MEF2C: variants seen among roughly 807,000 people sequenced by gnomAD.
MEF2C encodes myocyte-specific enhancer factor 2C.
A neutral mutation model predicts 50.5 loss-of-function variants in MEF2C; 6 were observed. The ratio of observed to expected loss-of-function variants is 0.12; its 90% CI spans 0.07 to 0.23. The LOEUF (loss-of-function observed/expected upper bound fraction) is 0.23. Ranked by LOEUF, MEF2C falls within the 10% of genes least tolerant of loss-of-function variation. The pLI is 1.00. For synonymous variants in MEF2C, 183 were observed against 228.0 expected (o/e 0.80, Z 1.78); for missense variants, 276 against 605.0 (o/e 0.46, Z 5.70).
intron 1 of MEF2C, among the ~76,000 whole-genome samples, chr5:88,903,598 G>C (rs1835884507): frequency 6.6e-6 from 1 of 151,924 alleles, no homozygotes; most frequent in South Asian, 2.1e-4. Context: ...TAGATAAAAA[G>C]GAGACTAAAA....
chr5:88,764,462 G>C (rs1439213689), intron 3 of MEF2C, among the ~76,000 whole-genome samples: 3 of 152,092 alleles, frequency 2.0e-5, no homozygotes, highest in Non-Finnish European at 4.4e-5. Context: ...GTGCAGACTA[G>C]ATCTCTCTCA....
intron 10 of MEF2C, among the ~76,000 whole-genome samples, chr5:88,727,598 A>G (rs1759454279): frequency 6.6e-6 from 1 of 152,180 alleles, no homozygotes; most frequent in African/African-American, 2.4e-5. Flanking sequence ...AACGATAACA[A>G]ATGGCTAAGC....
intron 3 of MEF2C, among the ~76,000 whole-genome samples, chr5:88,796,497 T>C (rs1258276248): frequency 6.6e-6 from 1 of 152,198 alleles, no homozygotes; most frequent in Non-Finnish European, 1.5e-5. Context: ...TTCTTTATCA[T>C]TTTTTACTGC....
intron 1 of MEF2C, among the ~76,000 whole-genome samples, chr5:88,854,284 G>A (rs1360646362): frequency 1.3e-5 from 2 of 152,154 alleles, no homozygotes; most frequent in Non-Finnish European, 2.9e-5. Flanking sequence ...AGGTAGTATA[G>A]CAGATGTGGT....
rs527435036 is a variant in MEF2C, at chr5:88,767,840, C to A, written c.259-6512G>T. Among the ~76,000 whole-genome samples the A allele has an allele frequency of 2.3e-3, 347 of 152,280 alleles. 4 individuals are homozygous for A. The highest frequency in any genetic ancestry group is 8.0e-3 in the African/African-American group (334 of 41,566). Reference sequence around the variant, plus strand: ...ACATCCACCAACTCTGTCTTAAGGGCCACAAATTATTTGACATAAACATTC... The same window carrying A: ...ACATCCACCAACTCTGTCTTAAGGGACACAAATTATTTGACATAAACATTC... On this transcript the variant is annotated intron_variant, in intron 3 of 10. Coordinates refer to ENST00000504921, the MANE Select transcript of MEF2C (RefSeq NM_002397.5).
intron 6 of MEF2C, chr5:88,741,986 A>G: frequency 2.0e-6 from 2 of 985,186 alleles, no homozygotes; most frequent in Non-Finnish European, 2.4e-6. Flanking sequence ...ATACTGTATC[A>G]TGACTAAATA....
At chr5:88,822,931 T>C (rs1255315615) in intron 2 of MEF2C, among the ~76,000 whole-genome samples, 2 of 151,994 alleles carry the variant, frequency 1.3e-5, no homozygotes, top group African/African-American at 4.8e-5. Context: ...TTTAACGTTA[T>C]ACAAACTACC....
intron 1 of MEF2C, among the ~76,000 whole-genome samples, chr5:88,869,276 T>TATATATATATATATAC (rs1554050855): frequency 4.0e-4 from 41 of 101,694 alleles, no homozygotes; most frequent in Non-Finnish European, 6.1e-4. Context: ...TATATATATA[T>TATATATATATATATAC]ACATATATAT....
chr5:88,740,454 G>C (rs989791350), intron 6 of MEF2C: 1 of 984,924 alleles, frequency 1.0e-6, no homozygotes, highest in Non-Finnish European at 1.2e-6. Context: ...ACTGTCATGC[G>C]GATTTAGGCA....
chr5:88,765,412 A>G (rs1779613980), intron 3 of MEF2C, among the ~76,000 whole-genome samples: 1 of 152,258 alleles, frequency 6.6e-6, no homozygotes, highest in African/African-American at 2.4e-5. Context: ...AAACTTGAAT[A>G]TCATAGTGTG....
chr5:88,892,195 C>A (rs1301379939), intron 1 of MEF2C: 1 of 152,138 alleles, frequency 6.6e-6, no homozygotes, highest in Non-Finnish European at 1.5e-5. Flanking sequence ...GAAGGCCTCA[C>A]CTTCTCCATG....
chr5:88,730,038 A>C (rs1010055839), intron 8 of MEF2C, among the ~76,000 whole-genome samples, 173 bp downstream of exon 8: 7 of 152,102 alleles, frequency 4.6e-5, no homozygotes, highest in Admixed American at 6.5e-5. Flanking sequence ...CAAAAAAAAA[A>C]ACCTGACATT....
intron 3 of MEF2C, among the ~76,000 whole-genome samples, chr5:88,789,462 C>T (rs1324908956): frequency 1.3e-5 from 2 of 152,086 alleles, no homozygotes; most frequent in Non-Finnish European, 2.9e-5. Context: ...GCCACCATGC[C>T]TGCTATAACT....
chr5:88,816,465 CTTTTTT>C (rs70996497), intron 2 of MEF2C, among the ~76,000 whole-genome samples: 10 of 86,142 alleles, frequency 1.2e-4, no homozygotes, highest in South Asian at 4.4e-4. Flanking sequence ...CTGCCTACTG[CTTTTTT>C]TTTTTTTTTT....
intron 2 of MEF2C, among the ~76,000 whole-genome samples, chr5:88,818,104 C>G (rs966999884): frequency 6.6e-6 from 1 of 151,784 alleles, no homozygotes; most frequent in Non-Finnish European, 1.5e-5. Context: ...TGGAGGTTTC[C>G]AAGACAAAGA....
At chr5:88,772,105 C>T (rs187922436) in intron 3 of MEF2C, 10 of 152,322 alleles carry the variant, frequency 6.6e-5, no homozygotes, top group Non-Finnish European at 7.3e-5. Context: ...CAAGGCATTA[C>T]CCTTGATGTA....
intron 3 of MEF2C, chr5:88,780,660 T>G: frequency 4.2e-6 from 3 of 710,278 alleles, no homozygotes; most frequent in Non-Finnish European, 5.2e-6. Context: ...CTAGAAGCAA[T>G]GCACAACATA....
At chr5:88,729,186 G>A (rs1424669712) in intron 9 of MEF2C, 32 bp downstream of exon 9, 4 of 1,610,970 alleles carry the variant, frequency 2.5e-6, no homozygotes, top group Non-Finnish European at 3.4e-6. Flanking sequence ...AAAGTATTTA[G>A]TGTACTAATT....
chr5:88,738,529 GCTATC>G, intron 6 of MEF2C: 1 of 893,126 alleles, frequency 1.1e-6, no homozygotes, highest in Non-Finnish European at 1.3e-6. Flanking sequence ...ATGTCAAACA[GCTATC>G]AACTGGTGAA....
Sources: gnomAD v4.1 joint callset for allele counts (sites outside exome capture counted in the v4.1 genomes callset) on GRCh38, gnomAD v4.1.1 for gene constraint, MANE v1.5 for transcripts, NCBI Gene and HGNC (gene_info 2026-07-23, HGNC 2026-07-21) for gene names.